The following ZFR variants were observed in gnomAD, a reference collection of about 807,000 sequenced individuals.
The protein encoded by ZFR is zinc finger RNA binding protein.
ZFR carries 19 observed loss-of-function variants against 130.7 expected under a neutral mutation model. The observed-to-expected ratio is 0.15, with a 90% CI of 0.10 to 0.21. The LOEUF is 0.21. Ranked by LOEUF, ZFR falls within the 10% of genes least tolerant of loss-of-function variation. ZFR has a pLI of 1.00. For synonymous variants in ZFR, 466 were observed against 456.9 expected (o/e 1.02, Z -0.25); for missense variants, 872 against 1,321.5 (o/e 0.66, Z 5.27).
chr5:32,412,877 C>G (rs1753740799), intron 5 of ZFR, among the ~76,000 whole-genome samples: 1 of 152,100 alleles, frequency 6.6e-6, no homozygotes, highest in Admixed American at 6.5e-5. Context: ...TTTTTTTCCA[C>G]TTTTCTGGAG....
chr5:32,392,339 A>C (rs779184929), intron 11 of ZFR, among the ~76,000 whole-genome samples: 7 of 152,242 alleles, frequency 4.6e-5, no homozygotes, highest in Non-Finnish European at 8.8e-5. Flanking sequence ...GCTATAGAAG[A>C]GAATTCCCAA....
chr5:32,358,946 G>A (rs1752371743), intron 19 of ZFR, among the ~76,000 whole-genome samples: 2 of 151,878 alleles, frequency 1.3e-5, no homozygotes, highest in Admixed American at 1.3e-4. Context: ...AGCTTAGCCG[G>A]GCATGGTGGC....
chr5:32,409,773 A>G (rs1024140198), intron 5 of ZFR, among the ~76,000 whole-genome samples: 1 of 152,158 alleles, frequency 6.6e-6, no homozygotes, highest in Non-Finnish European at 1.5e-5. Flanking sequence ...GAGAGTGACT[A>G]TATTATAATC....
intron 2 of ZFR, among the ~76,000 whole-genome samples, chr5:32,439,804 TA>T (rs11446399): frequency 0.014 from 998 of 72,410 alleles, 4 homozygotes; most frequent in Admixed American, 0.02. Context: ...ACCATGTCTT[TA>T]AAAAAAAAAA....
intron 19 of ZFR, among the ~76,000 whole-genome samples, chr5:32,357,959 T>TTTAAA (rs1752347804): frequency 6.6e-6 from 1 of 152,266 alleles, no homozygotes; most frequent in Non-Finnish European, 1.5e-5. Flanking sequence ...TGTCTACTTC[T>TTTAAA]GTGCCATAAC....
At position 32,368,255 on chromosome 5, in the gene ZFR, C is replaced by G. The variant is rs567701992; in HGVS notation, c.2836-3980G>C. ...CATCAAAACTTTTTTCCCCCCCCAA[C>G]AAGAGACGGAGTTTCACTCTTGTTG... On this transcript the variant is annotated intron_variant, in intron 17 of 19. Coordinates refer to ENST00000265069, the MANE Select transcript of ZFR (RefSeq NM_016107.5). Among the ~76,000 whole-genome samples, 6 of 151,508 alleles carry G rather than the reference C, an allele frequency of 4.0e-5. No homozygotes were observed. The South Asian group carries it at 1.2e-3, about 32-fold the overall frequency.
intron 2 of ZFR, among the ~76,000 whole-genome samples, chr5:32,439,804 T>TAAAAAAAAAAAAA (rs11446399): frequency 1.4e-5 from 1 of 72,454 alleles, no homozygotes; most frequent in African/African-American, 5.1e-5. Context: ...ACCATGTCTT[T>TAAAAAAAAAAAAA]AAAAAAAAAA....
In ZFR at chr5:32,395,320, A is replaced by G. The variant is rs1375150367; in HGVS notation, c.1834-16T>C. On this transcript the variant is annotated splice_polypyrimidine_tract_variant and intron_variant, in intron 10 of 19. Coordinates refer to ENST00000265069, the MANE Select transcript of ZFR (RefSeq NM_016107.5). ...TTACTTTTTTCTATTAATATAAATA[A>G]GACATTTAAAAAACAGCAGCCCCAA... 2 of 1,520,822 alleles carry G rather than the reference A, an allele frequency of 1.3e-6. No individual in the cohort carries two copies. Among genetic ancestry groups the G allele is most frequent in the Admixed American group, 4.4e-5 (2 of 45,530 alleles). The allele number at this position is 1,520,822 out of a possible 1,614,324, so 94.2% of individuals were successfully genotyped here.
At chr5:32,436,969 TA>T (rs938741665) in intron 2 of ZFR, among the ~76,000 whole-genome samples, 1 of 152,168 alleles carries the variant, frequency 6.6e-6, no homozygotes, top group Non-Finnish European at 1.5e-5. Flanking sequence ...AATTTATAGA[TA>T]AAAAAACTAA....
chr5:32,369,544 G>A (rs1243469088), intron 17 of ZFR, among the ~76,000 whole-genome samples: 2 of 152,118 alleles, frequency 1.3e-5, no homozygotes, highest in East Asian at 3.9e-4. Context: ...GGTGGCTCAC[G>A]CCTATAATCC....
chr5:32,372,925 CTCT>C (rs1475753759), intron 17 of ZFR, among the ~76,000 whole-genome samples: 2 of 152,124 alleles, frequency 1.3e-5, no homozygotes, highest in African/African-American at 4.8e-5. Flanking sequence ...GAGAGCAGAT[CTCT>C]TCTTTTAAAT....
In ZFR at chr5:32,444,603, C is replaced by T. The variant is rs1211485251; in HGVS notation, c.37+19G>A. On this transcript the variant is annotated intron_variant, in intron 1 of 19. Coordinates refer to ENST00000265069, the MANE Select transcript of ZFR (RefSeq NM_016107.5). ...GGGAGGGGGCCGGGCAGAGGCCTCG[C>T]GGGCCACATTAGACTCACCATAGGT... The T allele has an allele frequency of 4.7e-6, 7 of 1,481,266 alleles. No homozygotes were observed. The highest frequency in any genetic ancestry group is 5.4e-6 in the Non-Finnish European group (6 of 1,116,784). The allele number at this position is 1,481,266 out of a possible 1,614,324, so 91.8% of individuals were successfully genotyped here. A position where few individuals can be genotyped will look rare whatever the true frequency, so the allele number is the denominator to read the frequency against.
chr5:32,444,358 T>C (rs1754553912), intron 1 of ZFR, 30 bp from the exon 2 acceptor site: 11 of 1,530,958 alleles, frequency 7.2e-6, no homozygotes, highest in East Asian at 2.6e-5. Flanking sequence ...TCGGGTCCCA[T>C]GGCGGGACAA....
intron 19 of ZFR, among the ~76,000 whole-genome samples, chr5:32,358,828 GA>G (rs1752369881): frequency 6.6e-6 from 1 of 152,110 alleles, no homozygotes; most frequent in Non-Finnish European, 1.5e-5. Context: ...TGTTTTCCAA[GA>G]TAAGGGAAGG....
At chr5:32,415,501 T>TGC (rs1561908143) in intron 4 of ZFR, among the ~76,000 whole-genome samples, 2 of 104,898 alleles carry the variant, frequency 1.9e-5, no homozygotes, top group Non-Finnish European at 4.0e-5. Flanking sequence ...TGTGTGTGTG[T>TGC]GTGTGTGTGT....
At chr5:32,394,793 T>C (rs753368080) in intron 11 of ZFR, among the ~76,000 whole-genome samples, 1 of 152,186 alleles carries the variant, frequency 6.6e-6, no homozygotes, top group Non-Finnish European at 1.5e-5. Flanking sequence ...CACTAAAGTT[T>C]CTTTATGGAC....
rs540663022 is a variant in ZFR, at chr5:32,427,374, C to CAAAAAAA, written c.138-7278_138-7272dup. Among the ~76,000 whole-genome samples, 473 of 66,444 alleles carry CAAAAAAA rather than the reference C, an allele frequency of 7.1e-3. 7 individuals carry two copies. Among genetic ancestry groups the CAAAAAAA allele is most frequent in the African/African-American group, 0.03 (455 of 15,286 alleles). The allele number at this position is 66,444 out of a possible 152,430, so 43.6% of individuals were successfully genotyped here. ...TGGGCAACACAGCAAGACTCTGTCT[C>CAAAAAAA]AAAAAAAAAAAAAAAAAAAAAAGGA... On this transcript the variant is annotated intron_variant, in intron 2 of 19. Coordinates refer to ENST00000265069, the MANE Select transcript of ZFR (RefSeq NM_016107.5).
chr5:32,381,130 G>C (rs1025828284), intron 15 of ZFR, among the ~76,000 whole-genome samples: 1 of 152,120 alleles, frequency 6.6e-6, no homozygotes, highest in African/African-American at 2.4e-5. Flanking sequence ...ACAGAATTAA[G>C]AGTGGAAAAG....
rs548728900 is a variant in ZFR at position 32,420,699 on chromosome 5, G to A, written c.138-596C>T. Among the ~76,000 whole-genome samples, 203 of 152,330 alleles carry A rather than the reference G, an allele frequency of 1.3e-3. 2 individuals carry two copies. The highest frequency in any genetic ancestry group is 2.5e-3 in the Admixed American group (38 of 15,302). On this transcript the variant is annotated intron_variant, in intron 2 of 19. Coordinates refer to ENST00000265069, the MANE Select transcript of ZFR (RefSeq NM_016107.5). The stretch of plus-strand genomic sequence containing the variant: ...TTTTGATGACCAAACTGCAGAGGAG[G>A]TGGTGATATGTGAGCTACTGGCATC...
Sources: gnomAD v4.1 joint callset for allele counts (sites outside exome capture counted in the v4.1 genomes callset) on GRCh38, gnomAD v4.1.1 for gene constraint, MANE v1.5 for transcripts, NCBI Gene and HGNC (gene_info 2026-07-23, HGNC 2026-07-21) for gene names.